Variants in CCDC85C observed in about 807,000 individuals in gnomAD.
CCDC85C encodes the protein coiled-coil domain-containing protein 85C.
A neutral mutation model predicts 38.3 loss-of-function variants in CCDC85C; 18 were observed. The ratio of observed to expected loss-of-function variants is 0.47; its 90% CI spans 0.33 to 0.70. The LOEUF (loss-of-function observed/expected upper bound fraction) is 0.70. CCDC85C is among the 30% of genes least tolerant of loss of function. The pLI, the probability that CCDC85C is intolerant of heterozygous loss-of-function variation, is 0.03. For missense variants in CCDC85C, 566 were observed against 621.2 expected (o/e 0.91, Z 0.94); for synonymous variants, 264 against 293.8 (o/e 0.90, Z 1.04).
In CCDC85C at chr14:99,510,488, CCCGCCA is replaced by C; in HGVS notation, c.*4752_*4757del. On this transcript the variant is annotated 3_prime_UTR_variant, in exon 6 of 6. Coordinates refer to ENST00000380243, the MANE Select transcript of CCDC85C (RefSeq NM_001144995.2). The stretch of plus-strand genomic sequence containing the variant: ...CCCATGTCTACCCGCCCAACCCGCC[CCCGCCA>C]CCTGTGCCTCCTCCCCCAGCCTCCT... 1 of 1,233,866 alleles carries C rather than the reference CCCGCCA, an allele frequency of 8.1e-7. No homozygotes were observed. Among genetic ancestry groups the C allele is most frequent in the Non-Finnish European group, 1.1e-6 (1 of 895,096 alleles). The allele number at this position is 1,233,866 out of a possible 1,614,324, so 76.4% of individuals were successfully genotyped here.
chr14:99,598,052 C>A (rs113340177), intron 1 of CCDC85C, among the ~76,000 whole-genome samples: 41 of 152,290 alleles, frequency 2.7e-4, no homozygotes, highest in African/African-American at 9.6e-4. Flanking sequence ...ACCCTGGAGG[C>A]AGATCACTAA....
rs1898295891 is a variant in CCDC85C, at chr14:99,569,706, C to T, written c.793+33461G>A. Among the ~76,000 whole-genome samples, 1 of 152,222 alleles carries T rather than the reference C, an allele frequency of 6.6e-6. No homozygotes were observed. The highest frequency in any genetic ancestry group is 6.5e-5 in the Admixed American group (1 of 15,292). On this transcript the variant is annotated intron_variant, in intron 1 of 5. Coordinates refer to ENST00000380243, the MANE Select transcript of CCDC85C (RefSeq NM_001144995.2). The surrounding 1 kb of genome is among the most constrained non-coding windows in gnomAD (Gnocchi z 4.3). ...TTGAGACATTGCTAGTTCTTTGCAC[C>T]TCTGCTTCCCCCCAACATGTCACAC...
chr14:99,572,518 A>G lies in CCDC85C; in HGVS notation c.793+30649T>C, dbSNP rs1380369247. Reference sequence around the variant, plus strand: ...GGCTTTAGATAAAATCCCAACCCCAATAGCTCCTCCTACCCTGCCCCCTTC... The same window carrying G: ...GGCTTTAGATAAAATCCCAACCCCAGTAGCTCCTCCTACCCTGCCCCCTTC... On this transcript the variant is annotated intron_variant, in intron 1 of 5. Coordinates refer to ENST00000380243, the MANE Select transcript of CCDC85C (RefSeq NM_001144995.2). This position sits in a 1 kb window ranked among gnomAD's most constrained non-coding sequence, Gnocchi z 4.4. Among the ~76,000 whole-genome samples the G allele has an allele frequency of 1.3e-5, 2 of 151,908 alleles. No individual in the cohort carries two copies. Among genetic ancestry groups the G allele is most frequent in the Non-Finnish European group, 2.9e-5 (2 of 67,968 alleles).
chr14:99,500,699 A>G lies in CCDC85C; in HGVS notation c.*14547T>C, dbSNP rs2139868973. 7 of 1,019,264 alleles carry G rather than the reference A, an allele frequency of 6.9e-6. No homozygotes were observed. Among genetic ancestry groups the G allele is most frequent in the East Asian group, 2.6e-5 (1 of 38,462 alleles). The allele number at this position is 1,019,264 out of a possible 1,614,324, so 63.1% of individuals were successfully genotyped here. On this transcript the variant is annotated 3_prime_UTR_variant, in exon 6 of 6. Coordinates refer to ENST00000380243, the MANE Select transcript of CCDC85C (RefSeq NM_001144995.2). Reference sequence around the variant, plus strand: ...AGAGAATAAATAGACAGGAAAGCTCACTTTTGTAATGCTGCTTGAGACCTG... The same window carrying G: ...AGAGAATAAATAGACAGGAAAGCTCGCTTTTGTAATGCTGCTTGAGACCTG...
intron 1 of CCDC85C, among the ~76,000 whole-genome samples, chr14:99,593,543 C>T (rs2055110781): frequency 1.3e-5 from 2 of 152,202 alleles, no homozygotes; most frequent in Non-Finnish European, 2.9e-5. Flanking sequence ...GCATCCAGGG[C>T]CCAAAATGGC....
chr14:99,537,464 G>T (rs576060527), intron 1 of CCDC85C, among the ~76,000 whole-genome samples: 3 of 152,094 alleles, frequency 2.0e-5, no homozygotes, highest in African/African-American at 7.2e-5. Flanking sequence ...GGATGCTTGG[G>T]AGCCCCCTAT....
rs150768770 is a variant in CCDC85C, at chr14:99,528,233, C to T, written c.868-5993G>A. On this transcript the variant is annotated intron_variant, in intron 2 of 5. Transcript: ENST00000380243. The stretch of plus-strand genomic sequence containing the variant: ...GCAGCTCTACCTGAAGCCAGCTTCT[C>T]GGGCGGCCGTAGGGGCGGGGCAGCT... Among the ~76,000 whole-genome samples the T allele has an allele frequency of 2.2e-4, 33 of 152,292 alleles. No individual in the cohort carries two copies. In the East Asian group the frequency reaches 5.6e-3, roughly 26 times the overall value.
At chr14:99,560,785 C>T (rs930052102) in intron 1 of CCDC85C, among the ~76,000 whole-genome samples, 8 of 152,346 alleles carry the variant, frequency 5.3e-5, no homozygotes, top group African/African-American at 1.7e-4. Context: ...GAACACCAAG[C>T]GAGCAGGTTT....
Position 99,603,180 on chromosome 14 carries a change from G to T in CCDC85C, c.780C>A (p.Pro260=), listed in dbSNP as rs1444270965. The change falls in exon 1 of 6, where the codon CCC becomes CCA. Residue 260 remains proline, a synonymous_variant. Coordinates refer to ENST00000380243, the MANE Select transcript of CCDC85C (RefSeq NM_001144995.2). This position sits in a 1 kb window ranked among gnomAD's most constrained non-coding sequence, Gnocchi z 7.5. ...LSAPPHHRSI[P]NGLHDPSSTY... The stretch of plus-strand genomic sequence containing the variant: ...TGTAGTCCTTACCGTGCAGGCCGTT[G>T]GGGATGCTGCGGTGGTGCGGCGGCG... 1.4e-6 allele frequency: 2 copies of T among 1,405,182 alleles called. No individual in the cohort carries two copies. The highest frequency in any genetic ancestry group is 1.8e-6 in the Non-Finnish European group (2 of 1,081,596). 87.0% of individuals were successfully genotyped at this position (1,405,182 alleles called of 1,614,324 possible). A position where few individuals can be genotyped will look rare whatever the true frequency, so the allele number is the denominator to read the frequency against.
intron 1 of CCDC85C, among the ~76,000 whole-genome samples, chr14:99,599,095 C>A (rs2055173571): frequency 6.6e-6 from 1 of 152,076 alleles, no homozygotes; most frequent in African/African-American, 2.4e-5. Context: ...CCTTATTAGC[C>A]GAGCTGCTGC....
Position 99,507,316 on chromosome 14 carries a change from T to G in CCDC85C, c.*7930A>C, listed in dbSNP as rs1040808261. On this transcript the variant is annotated 3_prime_UTR_variant, in exon 6 of 6. Transcript: ENST00000380243. The stretch of plus-strand genomic sequence containing the variant: ...CTTGGGCTGGGCACAATGGCTTGTG[T>G]TTTTGATCCCAGCACTTTGGGAGGC... 1.6e-5 allele frequency: 10 copies of G among 629,680 alleles called. No individual in the cohort carries two copies. In the South Asian group the frequency reaches 1.8e-4, roughly 11 times the overall value. The allele number at this position is 629,680 out of a possible 1,614,324, so 39.0% of individuals were successfully genotyped here.
intron 1 of CCDC85C, among the ~76,000 whole-genome samples, chr14:99,570,775 A>T (rs988783544): frequency 7.3e-5 from 11 of 151,266 alleles, no homozygotes; most frequent in Non-Finnish European, 1.2e-4. Flanking sequence ...GCTTTGGAGG[A>T]GGGGCAGAAA....
At chr14:99,540,537 G>A (rs1897692137) in intron 1 of CCDC85C, among the ~76,000 whole-genome samples, 1 of 152,198 alleles carries the variant, frequency 6.6e-6, no homozygotes, top group Admixed American at 6.5e-5. Context: ...TTACAGTAAT[G>A]AGTGCTGGAG....
At chr14:99,587,603 C>T (rs1013356895) in intron 1 of CCDC85C, among the ~76,000 whole-genome samples, 11 of 152,202 alleles carry the variant, frequency 7.2e-5, no homozygotes, top group Non-Finnish European at 1.6e-4. Context: ...CGCTTCTGGG[C>T]CACACTGCCT....
At chr14:99,536,556 G>T (rs1018348945) in intron 1 of CCDC85C, among the ~76,000 whole-genome samples, 2 of 152,204 alleles carry the variant, frequency 1.3e-5, no homozygotes, top group Admixed American at 1.3e-4. Flanking sequence ...ACACAGTGGG[G>T]AAACAGACTC....
At chr14:99,570,931 A>G (rs549208451) in intron 1 of CCDC85C, among the ~76,000 whole-genome samples, 1 of 152,190 alleles carries the variant, frequency 6.6e-6, no homozygotes, top group East Asian at 1.9e-4. Flanking sequence ...AGGCGGGGGA[A>G]GGCAACCCAC....
At chr14:99,523,684 G>A (rs951814962) in intron 2 of CCDC85C, among the ~76,000 whole-genome samples, 11 of 152,324 alleles carry the variant, frequency 7.2e-5, no homozygotes, top group African/African-American at 2.6e-4. Flanking sequence ...GTCAGGGAGG[G>A]ACATAAAGGA....
intron 1 of CCDC85C, among the ~76,000 whole-genome samples, chr14:99,554,569 G>A (rs778026339): frequency 6.6e-6 from 1 of 152,210 alleles, no homozygotes; most frequent in African/African-American, 2.4e-5. Flanking sequence ...AGCAGGAACC[G>A]TTAGCCTTGC....
chr14:99,541,312 C>T (rs1189641866), intron 1 of CCDC85C, among the ~76,000 whole-genome samples: 1 of 152,218 alleles, frequency 6.6e-6, no homozygotes. Flanking sequence ...GCACCCCAAG[C>T]TGGGGAACCC....
Sources: allele counts gnomAD v4.1 joint callset (sites outside exome capture counted in the v4.1 genomes callset), GRCh38; gene constraint gnomAD v4.1.1; non-coding constraint Gnocchi (gnomAD v3.1); transcripts MANE v1.5; gene names NCBI Gene and HGNC (gene_info 2026-07-23, HGNC 2026-07-21).